The following NEGR1 variants were observed in gnomAD, a reference collection of about 807,000 sequenced individuals.
NEGR1 encodes neuronal growth regulator 1, also known as IgLON family member 4.
In NEGR1, 10 loss-of-function variants were observed where a neutral mutation model predicts 40.9. The ratio of observed to expected loss-of-function variants is 0.24; its 90% CI spans 0.15 to 0.42. NEGR1 has a LOEUF of 0.42. Among genes scored for constraint, NEGR1 ranks in the 10% least tolerant of loss-of-function variants. NEGR1 has a pLI of 1.00. For synonymous variants in NEGR1, 185 were observed against 166.8 expected (o/e 1.11, Z -0.84); for missense variants, 352 against 438.9 (o/e 0.80, Z 1.77).
intron 4 of NEGR1, among the ~76,000 whole-genome samples, chr1:71,630,413 A>G (rs1393318030): frequency 6.6e-6 from 1 of 151,912 alleles, no homozygotes; most frequent in Non-Finnish European, 1.5e-5. Context: ...TGAATTCACC[A>G]TTTTAAAAAA....
At chr1:71,908,114 T>G (rs990645673) in intron 2 of NEGR1, among the ~76,000 whole-genome samples, 1 of 151,282 alleles carries the variant, frequency 6.6e-6, no homozygotes, top group South Asian at 2.1e-4. Flanking sequence ...ACACAATAAA[T>G]CCTTATTACA....
At chr1:71,410,352 G>A (rs1010052929) in intron 6 of NEGR1, among the ~76,000 whole-genome samples, 2 of 152,054 alleles carry the variant, frequency 1.3e-5, no homozygotes, top group African/African-American at 2.4e-5. Flanking sequence ...GTCACCAGTC[G>A]TACTCTTTAA....
chr1:71,625,490 G>A (rs1239380194), intron 4 of NEGR1, among the ~76,000 whole-genome samples: 1 of 151,774 alleles, frequency 6.6e-6, no homozygotes, highest in Non-Finnish European at 1.5e-5. Context: ...GTTTAGAGAT[G>A]AGTTAAATTA....
rs141137467 is a variant in NEGR1 at position 71,464,619 on chromosome 1, G to A, written c.941-57049C>T. On this transcript the variant is annotated intron_variant, in intron 6 of 6. Transcript: ENST00000357731. The stretch of plus-strand genomic sequence containing the variant: ...ATCCTCCCAAGAATGCAGTTCTGTC[G>A]CAAAATTTGGCCATACAAAACCTAG... Among the ~76,000 whole-genome samples the A allele has an allele frequency of 3.3e-3, 505 of 152,154 alleles. 5 individuals are homozygous for A. The highest frequency in any genetic ancestry group is 0.01 in the Middle Eastern group (3 of 294).
intron 1 of NEGR1, among the ~76,000 whole-genome samples, chr1:72,083,530 G>T (rs1648087898): frequency 6.6e-6 from 1 of 151,862 alleles, no homozygotes; most frequent in Non-Finnish European, 1.5e-5. Context: ...AGCTCTCTCT[G>T]TTTGTCTTTA....
chr1:72,016,206 T>G (rs1257915200), intron 1 of NEGR1, among the ~76,000 whole-genome samples: 2 of 152,090 alleles, frequency 1.3e-5, no homozygotes, highest in Non-Finnish European at 2.9e-5. Context: ...AAATAATTGA[T>G]GAAATGTGTT....
intron 2 of NEGR1, among the ~76,000 whole-genome samples, chr1:71,793,997 C>T (rs1187880294): frequency 2.0e-5 from 3 of 152,084 alleles, no homozygotes; most frequent in Non-Finnish European, 4.4e-5. Context: ...TAAGGAAGCC[C>T]AGTTTTTCTA....
chr1:72,102,036 G>A (rs1313376563), intron 1 of NEGR1, among the ~76,000 whole-genome samples: 1 of 151,944 alleles, frequency 6.6e-6, no homozygotes, highest in African/African-American at 2.4e-5. Context: ...CACCTGAATT[G>A]TTATGCTGAC....
At chr1:71,559,011 G>A (rs898569192) in intron 6 of NEGR1, among the ~76,000 whole-genome samples, 2 of 57,462 alleles carry the variant, frequency 3.5e-5, no homozygotes, top group African/African-American at 8.2e-5. Context: ...TATCTTCTCT[G>A]TGTGTGTGTA....
chr1:71,735,296 C>T (rs556986099), intron 3 of NEGR1, among the ~76,000 whole-genome samples: 1 of 152,164 alleles, frequency 6.6e-6, no homozygotes, highest in African/African-American at 2.4e-5. Flanking sequence ...CCAAACTTTG[C>T]TTGAGTCTCT....
At chr1:72,091,189 T>C (rs893231762) in intron 1 of NEGR1, among the ~76,000 whole-genome samples, 1 of 152,146 alleles carries the variant, frequency 6.6e-6, no homozygotes, top group East Asian at 1.9e-4. Flanking sequence ...TAAGAGAACA[T>C]GACACTCTTC....
chr1:72,058,096 A>G (rs1468332085), intron 1 of NEGR1, among the ~76,000 whole-genome samples: 5 of 151,474 alleles, frequency 3.3e-5, no homozygotes, highest in African/African-American at 1.2e-4. Context: ...CAGGACCCAT[A>G]TTCAAGTTCT....
At chr1:72,076,933 T>C (rs1217380816) in intron 1 of NEGR1, among the ~76,000 whole-genome samples, 2 of 145,022 alleles carry the variant, frequency 1.4e-5, no homozygotes, top group African/African-American at 5.2e-5. Flanking sequence ...TGTCGGTCTG[T>C]TGCTAGGCTG....
intron 6 of NEGR1, among the ~76,000 whole-genome samples, chr1:71,547,188 A>G (rs1359592484): frequency 6.6e-6 from 1 of 151,724 alleles, no homozygotes; most frequent in Non-Finnish European, 1.5e-5. Context: ...CTCTTTATGA[A>G]TAGCTCCCTA....
At chr1:71,452,792 GCAAA>G (rs968685367) in intron 6 of NEGR1, among the ~76,000 whole-genome samples, 33 of 115,842 alleles carry the variant, frequency 2.8e-4, no homozygotes, top group African/African-American at 9.5e-4. Context: ...TACAGTAATT[GCAAA>G]CAAAGAAACA....
At chr1:71,958,137 T>C (rs1390323756) in intron 1 of NEGR1, among the ~76,000 whole-genome samples, 2 of 152,210 alleles carry the variant, frequency 1.3e-5, no homozygotes, top group Non-Finnish European at 2.9e-5. Context: ...ACATTTTCTA[T>C]TTTCCCACAT....
Position 71,405,168 on chromosome 1 carries a change from A to T in NEGR1, c.*2278T>A, listed in dbSNP as rs1157400819. On this transcript the variant is annotated 3_prime_UTR_variant, in exon 7 of 7. Coordinates refer to ENST00000357731, the MANE Select transcript of NEGR1 (RefSeq NM_173808.3). ...TATGGTAAAAACACCAGACTCCACA[A>T]ATTTGGAATCATGACAACACTTTGA... 1 of 152,226 alleles carries T rather than the reference A, an allele frequency of 6.6e-6. No homozygotes were observed. Among genetic ancestry groups the T allele is most frequent in the Non-Finnish European group, 1.5e-5 (1 of 67,774 alleles). The allele number at this position is 152,226 out of a possible 1,614,324, so 9.4% of individuals were successfully genotyped here.
At chr1:71,408,838 C>G (rs1231283348) in intron 6 of NEGR1, 1 of 151,260 alleles carries the variant, frequency 6.6e-6, no homozygotes, top group Non-Finnish European at 1.5e-5. Flanking sequence ...TTTAGTCACA[C>G]TGAGTCTGAA....
chr1:72,229,673 T>C (rs868558067), intron 1 of NEGR1, among the ~76,000 whole-genome samples: 2 of 151,660 alleles, frequency 1.3e-5, no homozygotes, highest in African/African-American at 4.8e-5. Flanking sequence ...TTTTGGTAAG[T>C]TGATTTATAA....
Sources: allele counts gnomAD v4.1 joint callset (sites outside exome capture counted in the v4.1 genomes callset), GRCh38; gene constraint gnomAD v4.1.1; transcripts MANE v1.5; gene names NCBI Gene and HGNC (gene_info 2026-07-23, HGNC 2026-07-21).